The following EVA1C variants were observed in gnomAD, a reference collection of about 807,000 sequenced individuals.
EVA1C encodes protein eva-1 homolog C.
In EVA1C, 25 loss-of-function variants were observed where a neutral mutation model predicts 45.4. The observed-to-expected ratio is 0.55, with a 90% CI of 0.40 to 0.77. EVA1C has a LOEUF of 0.77. Among genes scored for constraint, EVA1C ranks in the 30% least tolerant of loss-of-function variants. EVA1C has a pLI of 0.00. For missense variants in EVA1C, 479 were observed against 554.8 expected, an observed-to-expected ratio of 0.86 and a Z score of 1.37; for synonymous variants, 190 against 221.2, an observed-to-expected ratio of 0.86 and a Z score of 1.25.
chr21:32,464,570 C>T (rs749646506), intron 3 of EVA1C, among the ~76,000 whole-genome samples: 3 of 151,948 alleles, frequency 2.0e-5, no homozygotes, highest in Non-Finnish European at 4.4e-5. Flanking sequence ...GCCTGTAATC[C>T]CAGCAATTTG....
Position 32,514,928 on chromosome 21 carries a change from A to C in EVA1C, c.1064A>C (p.Gln355Pro), listed in dbSNP as rs1212747171. ...TGTGCCAAGGACTTCCGCGACTTGC[A>C]GCTGGGGAGGGAGCAGCTGGTGCCA... ...ESCAKDFRDL[Q>P]LGREQLVPGS... The change falls in exon 8 of 8, where the codon CAG (glutamine) becomes CCG (proline). Residue 355 changes from glutamine (Q) to proline (P), a missense_variant. Physicochemically the swap from Gln to Pro is moderately conservative, Grantham distance 76. This residue lies in a region of EVA1C where 366 missense variants were observed against 426.1 expected (regional missense o/e 0.86). Coordinates refer to ENST00000300255, the MANE Select transcript of EVA1C (RefSeq NM_058187.5). The C allele has an allele frequency of 1.2e-6, 2 of 1,614,028 alleles. No homozygotes were observed. The highest frequency in any genetic ancestry group is 1.7e-6 in the Non-Finnish European group (2 of 1,180,034).
At chr21:32,488,870 G>GC (rs35804773) in intron 4 of EVA1C, among the ~76,000 whole-genome samples, 152,370 of 152,370 alleles carry the variant, frequency 1, 76,185 homozygotes, top group Non-Finnish European at 1. Context: ...ATAGGCGTGA[G>GC]CACCATGCCA....
In EVA1C at chr21:32,452,288, C is replaced by A. The variant is rs1240886755; in HGVS notation, c.161-1024C>A. The A allele has an allele frequency of 1.3e-5, 2 of 152,246 alleles. No individual in the cohort carries two copies. The highest frequency in any genetic ancestry group is 4.8e-5 in the African/African-American group (2 of 41,434). The allele number at this position is 152,246 out of a possible 1,614,324, so 9.4% of individuals were successfully genotyped here. A position where few individuals can be genotyped will look rare whatever the true frequency, so the allele number is the denominator to read the frequency against. On this transcript the variant is annotated intron_variant, in intron 1 of 7. Coordinates refer to ENST00000300255, the MANE Select transcript of EVA1C (RefSeq NM_058187.5). This position sits in a 1 kb window ranked among gnomAD's most constrained non-coding sequence, Gnocchi z 4.0. ...CTCCAAACCATTCAGTGGGCCATCC[C>A]AGACCGAGGTTTCTGACCCAGACAT...
chr21:32,415,522 G>A (rs536527502), intron 1 of EVA1C, among the ~76,000 whole-genome samples: 1 of 152,228 alleles, frequency 6.6e-6, no homozygotes, highest in South Asian at 2.1e-4. Flanking sequence ...TCTCTTCTTT[G>A]CGGCTCTTCC....
rs1417451866 is a variant in EVA1C, at chr21:32,441,396, C to T, written c.161-11916C>T. On this transcript the variant is annotated intron_variant, in intron 1 of 7. Transcript: ENST00000300255. The stretch of plus-strand genomic sequence containing the variant: ...GCAGATGTTTGGAGGAAGACTGCTT[C>T]GGGCTGAGAGACAGTCAAAGCAAAG... 2.0e-5 allele frequency among the ~76,000 whole-genome samples: 3 copies of T among 151,946 alleles called. No individual in the cohort carries two copies. In the South Asian group the frequency reaches 6.2e-4, roughly 32 times the overall value.
intron 7 of EVA1C, among the ~76,000 whole-genome samples, chr21:32,511,635 C>G (rs1435237117): frequency 6.6e-6 from 1 of 151,982 alleles, no homozygotes; most frequent in Non-Finnish European, 1.5e-5. Flanking sequence ...CAATTCTATA[C>G]CCATGTGATT....
At chr21:32,507,537 TGTGCGTCTGTATGTATGC>T (rs1270806672) in intron 7 of EVA1C, among the ~76,000 whole-genome samples, 1 of 127,302 alleles carries the variant, frequency 7.9e-6, no homozygotes, top group East Asian at 2.7e-4. Context: ...TGTGTGCATG[TGTGCGTCTGTATGTATGC>T]GTGTTTTTGT....
At chr21:32,488,587 C>CATTTTTTTTTTTTTTT (rs34049195) in intron 4 of EVA1C, among the ~76,000 whole-genome samples, 3 of 148,054 alleles carry the variant, frequency 2.0e-5, no homozygotes, top group Non-Finnish European at 1.5e-5. Context: ...AGCTGTTGGC[C>CATTTTTTTTTTTTTTT]TTTTTTTTTT....
chr21:32,506,897 G>C (rs1384584969), intron 7 of EVA1C, among the ~76,000 whole-genome samples: 2 of 152,160 alleles, frequency 1.3e-5, no homozygotes, highest in Admixed American at 6.5e-5. Context: ...GGGGTCTCTA[G>C]GCACCCCCAA....
rs76774913 is a variant in EVA1C, at chr21:32,427,097, C to A, written c.160+14084C>A. Among the ~76,000 whole-genome samples, 1,421 of 152,234 alleles carry A rather than the reference C, an allele frequency of 9.3e-3. 15 individuals are homozygous for A. The highest frequency in any genetic ancestry group is 0.019 in the South Asian group (94 of 4,824). ...GGGAGGGCATTTTCTCATTCCTGCT[C>A]ACTTTGGTGCCATAGAACTTCAGTT... On this transcript the variant is annotated intron_variant, in intron 1 of 7. Coordinates refer to ENST00000300255, the MANE Select transcript of EVA1C (RefSeq NM_058187.5).
chr21:32,484,201 A>G (rs972488782), intron 4 of EVA1C, among the ~76,000 whole-genome samples: 6 of 152,114 alleles, frequency 3.9e-5, no homozygotes, highest in African/African-American at 9.7e-5. Context: ...GGTTCCCTGG[A>G]ACATAGTTCG....
chr21:32,436,556 A>G (rs1278203805), intron 1 of EVA1C, among the ~76,000 whole-genome samples: 2 of 152,416 alleles, frequency 1.3e-5, no homozygotes, highest in East Asian at 3.8e-4. Context: ...AAAGGCTGGG[A>G]GAGAGTTCCT....
intron 5 of EVA1C, among the ~76,000 whole-genome samples, chr21:32,498,481 G>C (rs978819732): frequency 4.0e-5 from 6 of 151,862 alleles, no homozygotes; most frequent in Admixed American, 6.6e-5. Flanking sequence ...GTTTTCATGG[G>C]GTGAGCAGTT....
At chr21:32,499,156 G>A (rs146021332) in intron 5 of EVA1C, among the ~76,000 whole-genome samples, 1 of 152,168 alleles carries the variant, frequency 6.6e-6, no homozygotes, top group South Asian at 2.1e-4. Context: ...AAAGCCTCTG[G>A]CATTTGCCAA....
chr21:32,427,759 T>C (rs2146141650), intron 1 of EVA1C, among the ~76,000 whole-genome samples: 1 of 149,514 alleles, frequency 6.7e-6, no homozygotes, highest in Admixed American at 6.7e-5. Context: ...GGCTCATACC[T>C]ATAATCTCAG....
chr21:32,480,761 G>C (rs958641577), intron 4 of EVA1C, among the ~76,000 whole-genome samples: 3 of 152,142 alleles, frequency 2.0e-5, no homozygotes, highest in Non-Finnish European at 4.4e-5. Context: ...TCAGGAGTTT[G>C]AGACCAGCCT....
rs537186480 is a variant in EVA1C at position 32,512,645 on chromosome 21, G to C, written c.950-2169G>C. Reference sequence around the variant, plus strand: ...GATGGAATTGTTTCTGTCCAGATCTGTCCCTGGCCTGACCATGGGTGGCTG... The same window carrying C: ...GATGGAATTGTTTCTGTCCAGATCTCTCCCTGGCCTGACCATGGGTGGCTG... On this transcript the variant is annotated intron_variant, in intron 7 of 7. Transcript: ENST00000300255. 6.9e-4 allele frequency among the ~76,000 whole-genome samples: 105 copies of C among 152,296 alleles called. 1 individual carries two copies. Among genetic ancestry groups the C allele is most frequent in the African/African-American group, 2.0e-3 (82 of 41,558 alleles).
At chr21:32,509,999 G>A (rs2833860) in intron 7 of EVA1C, among the ~76,000 whole-genome samples, 68,109 of 149,212 alleles carry the variant, frequency 0.46, 17,158 homozygotes, top group East Asian at 0.68. Flanking sequence ...GCTGTGGTCA[G>A]GAGTTGACTT....
At chr21:32,414,074 G>A (rs2033938915) in intron 1 of EVA1C, among the ~76,000 whole-genome samples, 1 of 152,214 alleles carries the variant, frequency 6.6e-6, no homozygotes, top group Non-Finnish European at 1.5e-5. Flanking sequence ...AAGTTGAGAT[G>A]GGGTTCTAGT....
Sources: gnomAD v4.1 joint callset for allele counts (sites outside exome capture counted in the v4.1 genomes callset) on GRCh38, gnomAD v4.1.1 for gene constraint, gnomAD v4.1.1 regional missense constraint, Gnocchi (gnomAD v3.1) non-coding constraint, MANE v1.5 for transcripts, NCBI Gene and HGNC (gene_info 2026-07-23, HGNC 2026-07-21) for gene names.